CCDC192: variants seen among roughly 807,000 people sequenced by gnomAD.
CCDC192 encodes coiled-coil domain containing 192.
intron 6 of CCDC192, among the ~76,000 whole-genome samples, chr5:127,900,231 C>T (rs1429997672): frequency 6.6e-6 from 1 of 152,182 alleles, no homozygotes; most frequent in Non-Finnish European, 1.5e-5. Flanking sequence ...ATCCCTAGCA[C>T]CACAGGTGCT....
At chr5:127,786,302 C>T in intron 3 of CCDC192, 1 of 628,104 alleles carries the variant, frequency 1.6e-6, no homozygotes, top group Non-Finnish European at 2.9e-6. Flanking sequence ...TGCAAGAATT[C>T]AGTACTCTCT....
intron 5 of CCDC192, among the ~76,000 whole-genome samples, chr5:127,804,044 G>A (rs1335846170): frequency 2.0e-5 from 3 of 152,136 alleles, no homozygotes; most frequent in African/African-American, 7.2e-5. Context: ...CCCAGGACGG[G>A]GGTCTCCCAA....
intron 6 of CCDC192, among the ~76,000 whole-genome samples, chr5:127,911,212 G>A (rs1211854734): frequency 1.3e-5 from 2 of 152,112 alleles, no homozygotes; most frequent in Admixed American, 6.6e-5. Context: ...ATCCATTGTG[G>A]GTCATAAAAT....
At chr5:127,892,015 G>A (rs1752746436) in intron 6 of CCDC192, among the ~76,000 whole-genome samples, 1 of 152,158 alleles carries the variant, frequency 6.6e-6, no homozygotes, top group Non-Finnish European at 1.5e-5. Flanking sequence ...ACAGGCAGAA[G>A]TACTGTCTTT....
chr5:127,923,333 A>G (rs962982296), intron 6 of CCDC192, among the ~76,000 whole-genome samples: 13 of 151,686 alleles, frequency 8.6e-5, no homozygotes, highest in African/African-American at 2.9e-4. Flanking sequence ...ACAGTATTTT[A>G]GGGGTCCTCC....
intron 3 of CCDC192, among the ~76,000 whole-genome samples, chr5:127,784,321 G>A (rs1257292862): frequency 1.3e-5 from 2 of 152,168 alleles, no homozygotes; most frequent in South Asian, 2.1e-4. Context: ...TAATTGGAGA[G>A]CCCATGTCTT....
At chr5:127,790,939 C>T (rs1187236412) in intron 3 of CCDC192, among the ~76,000 whole-genome samples, 1 of 152,120 alleles carries the variant, frequency 6.6e-6, no homozygotes, top group Non-Finnish European at 1.5e-5. Flanking sequence ...CACATATTTG[C>T]TTACAAAAAA....
At chr5:127,864,918 T>C (rs1306601132) in intron 5 of CCDC192, among the ~76,000 whole-genome samples, 3 of 152,144 alleles carry the variant, frequency 2.0e-5, no homozygotes, top group Non-Finnish European at 4.4e-5. Flanking sequence ...GAGGCCAAGG[T>C]GGGCGGATCA....
chr5:127,728,706 T>C (rs1752471337), intron 2 of CCDC192, among the ~76,000 whole-genome samples: 2 of 152,112 alleles, frequency 1.3e-5, no homozygotes. Context: ...ATATTAACCT[T>C]AAATGTAAAT....
chr5:127,860,997 G>C (rs1363541047), intron 5 of CCDC192, among the ~76,000 whole-genome samples: 1 of 152,086 alleles, frequency 6.6e-6, no homozygotes, highest in Non-Finnish European at 1.5e-5. Flanking sequence ...ATTTTAAGAA[G>C]CATGGGTTAC....
intron 5 of CCDC192, among the ~76,000 whole-genome samples, chr5:127,849,848 G>T (rs1370187992): frequency 6.6e-6 from 1 of 152,170 alleles, no homozygotes; most frequent in Non-Finnish European, 1.5e-5. Context: ...GAATCTCTCA[G>T]GATAGGACTC....
chr5:127,765,148 G>T (rs1484365509), intron 3 of CCDC192, among the ~76,000 whole-genome samples: 2 of 152,106 alleles, frequency 1.3e-5, no homozygotes, highest in African/African-American at 4.8e-5. Context: ...AAAAGATTTG[G>T]ATAATAGTTA....
chr5:127,873,684 T>G (rs1251115622), intron 5 of CCDC192, among the ~76,000 whole-genome samples: 1 of 152,202 alleles, frequency 6.6e-6, no homozygotes, highest in Non-Finnish European at 1.5e-5. Context: ...TCCTACTCTA[T>G]ATCTCCAAAG....
At chr5:127,934,139 A>C (rs1258033336) in intron 6 of CCDC192, among the ~76,000 whole-genome samples, 1 of 152,092 alleles carries the variant, frequency 6.6e-6, no homozygotes, top group Non-Finnish European at 1.5e-5. Flanking sequence ...GCACTACCCC[A>C]TGTCATTCAG....
At chr5:127,930,118 G>A (rs897506608) in intron 6 of CCDC192, among the ~76,000 whole-genome samples, 3 of 152,164 alleles carry the variant, frequency 2.0e-5, no homozygotes, top group Admixed American at 6.5e-5. Context: ...CAGGAGAATC[G>A]CTTGATCCCT....
intron 6 of CCDC192, among the ~76,000 whole-genome samples, chr5:127,930,782 G>C (rs545121496): frequency 6.6e-6 from 1 of 152,198 alleles, no homozygotes; most frequent in Non-Finnish European, 1.5e-5. Flanking sequence ...AGCACTTTGT[G>C]CTACTGGAGA....
chr5:127,878,552 A>T (rs1338575237), intron 6 of CCDC192, among the ~76,000 whole-genome samples: 5 of 152,182 alleles, frequency 3.3e-5, no homozygotes, highest in Non-Finnish European at 7.3e-5. Flanking sequence ...GCTACTTGGG[A>T]GGCTGAGGCA....
At chr5:127,790,837 C>T (rs1213963957) in intron 3 of CCDC192, among the ~76,000 whole-genome samples, 1 of 152,220 alleles carries the variant, frequency 6.6e-6, no homozygotes, top group Non-Finnish European at 1.5e-5. Flanking sequence ...TTGGGCATAG[C>T]TTCCTTTTTA....
At chr5:127,917,037 G>C (rs762862157) in intron 6 of CCDC192, among the ~76,000 whole-genome samples, 19 of 152,148 alleles carry the variant, frequency 1.2e-4, no homozygotes, top group Non-Finnish European at 2.6e-4. Flanking sequence ...TGTTACCTTA[G>C]CTAGATCTTC....
Sources: gnomAD v4.1 joint callset for allele counts (sites outside exome capture counted in the v4.1 genomes callset) on GRCh38, gnomAD v4.1.1 for gene constraint, MANE v1.5 for transcripts, NCBI Gene and HGNC (gene_info 2026-07-23, HGNC 2026-07-21) for gene names.